The following DIAPH2 variants were observed in gnomAD, a reference collection of about 807,000 sequenced individuals.
The protein encoded by DIAPH2 is diaphanous related formin 2.
DIAPH2 carries 35 observed loss-of-function variants against 92.7 expected under a neutral mutation model. That is an observed-to-expected ratio of 0.38 (90% CI 0.29 to 0.50). DIAPH2 has a LOEUF of 0.50. Among genes scored for constraint, DIAPH2 ranks in the 20% least tolerant of loss-of-function variants. The pLI, the probability that DIAPH2 is intolerant of heterozygous loss-of-function variation, is 0.94. For synonymous variants in DIAPH2, 301 were observed against 280.4 expected (o/e 1.07, Z -0.73); for missense variants, 701 against 819.5 (o/e 0.86, Z 1.77).
chrX:97,286,604 G>A (rs745686054), intron 23 of DIAPH2, among the ~76,000 whole-genome samples: 124 of 111,072 alleles, frequency 1.1e-3, no homozygotes, highest in Non-Finnish European at 1.8e-3. Context: ...ATTTTAACAA[G>A]GATTCTCTGG....
intron 4 of DIAPH2, among the ~76,000 whole-genome samples, chrX:96,785,638 G>GT (rs1260536486): frequency 1.6e-3 from 170 of 104,475 alleles, no homozygotes; most frequent in African/African-American, 3.4e-3. Flanking sequence ...TGCCCTGCTA[G>GT]TTTTTTTTTT....
At chrX:97,112,964 G>A (rs1451860274) in intron 20 of DIAPH2, among the ~76,000 whole-genome samples, 1 of 107,205 alleles carries the variant, frequency 9.3e-6, no homozygotes, top group Non-Finnish European at 1.9e-5. Context: ...ATTTTTAGTA[G>A]AGACAGGGTT....
chrX:96,697,547 G>A (rs923565349), intron 1 of DIAPH2, among the ~76,000 whole-genome samples: 1 of 110,811 alleles, frequency 9.0e-6, no homozygotes, highest in Non-Finnish European at 1.9e-5. Flanking sequence ...CTGGGAGGCC[G>A]AGGCAGGAGA....
chrX:97,167,768 A>T (rs947324411), intron 22 of DIAPH2, among the ~76,000 whole-genome samples: 2 of 111,595 alleles, frequency 1.8e-5, no homozygotes, highest in Admixed American at 9.6e-5. Context: ...GTCCTGTCAA[A>T]CTTTTCCATT....
intron 17 of DIAPH2, among the ~76,000 whole-genome samples, chrX:97,038,702 A>G (rs1385124774): frequency 2.7e-5 from 3 of 109,464 alleles, no homozygotes; most frequent in Non-Finnish European, 5.7e-5. Context: ...TCATTTTCCT[A>G]ATGATTAGTG....
intron 1 of DIAPH2, among the ~76,000 whole-genome samples, chrX:96,717,503 C>T (rs1265493509): frequency 9.6e-6 from 1 of 104,126 alleles, no homozygotes; most frequent in Admixed American, 1.1e-4. Flanking sequence ...ACCCCTTTGT[C>T]ATTATGAAAT....
intron 25 of DIAPH2, among the ~76,000 whole-genome samples, chrX:97,420,525 G>A (rs1182457542): frequency 8.9e-6 from 1 of 111,860 alleles, no homozygotes; most frequent in Non-Finnish European, 1.9e-5. Flanking sequence ...GGGATTTGAT[G>A]ATTCACCTCA....
chrX:96,957,589 A>G (rs1182853744), intron 15 of DIAPH2, among the ~76,000 whole-genome samples: 7 of 111,537 alleles, frequency 6.3e-5, no homozygotes, highest in Non-Finnish European at 1.3e-4. Context: ...TTGTGTGTTA[A>G]CAGAAGTAGT....
chrX:96,729,336 G>A (rs1233226191), intron 1 of DIAPH2, among the ~76,000 whole-genome samples: 1 of 112,100 alleles, frequency 8.9e-6, no homozygotes, highest in African/African-American at 3.2e-5. Flanking sequence ...TACTCTAAAA[G>A]CTGGATTATT....
At chrX:97,550,853 G>A (rs1194752239) in intron 26 of DIAPH2, among the ~76,000 whole-genome samples, 3 of 111,487 alleles carry the variant, frequency 2.7e-5, no homozygotes, top group African/African-American at 9.8e-5. Flanking sequence ...TTACTGAGGA[G>A]CCAGGTGAAT....
intron 23 of DIAPH2, among the ~76,000 whole-genome samples, chrX:97,250,725 A>C (rs915392976): frequency 8.9e-6 from 1 of 111,857 alleles, no homozygotes; most frequent in African/African-American, 3.2e-5. Flanking sequence ...AGCTAGAGAC[A>C]GTGAAGATCA....
chrX:97,356,463 T>C (rs2069267974), intron 24 of DIAPH2, among the ~76,000 whole-genome samples: 1 of 111,894 alleles, frequency 8.9e-6, no homozygotes, highest in Non-Finnish European at 1.9e-5. Context: ...TTTTGATCTG[T>C]TGCAACTCTT....
At chrX:97,575,282 C>T (rs1351436202) in intron 26 of DIAPH2, among the ~76,000 whole-genome samples, 1 of 112,716 alleles carries the variant, frequency 8.9e-6, no homozygotes, top group Non-Finnish European at 1.9e-5. Context: ...GGCCTCTCTC[C>T]TAGCTCCTGG....
intron 25 of DIAPH2, among the ~76,000 whole-genome samples, chrX:97,394,983 C>G (rs1408450332): frequency 9.0e-6 from 1 of 111,635 alleles, no homozygotes; most frequent in African/African-American, 3.3e-5. Context: ...CCTCTCTGAT[C>G]CTCGAGGACA....
At chrX:97,423,438 T>C (rs1216356859) in intron 25 of DIAPH2, among the ~76,000 whole-genome samples, 1 of 111,915 alleles carries the variant, frequency 8.9e-6, no homozygotes, top group Non-Finnish European at 1.9e-5. Context: ...CTAGTGCTAA[T>C]TGTAATCTGT....
rs768986090 is a variant in DIAPH2, at chrX:96,962,368, C to T, written c.1936-2725C>T. Among the ~76,000 whole-genome samples the T allele has an allele frequency of 6.5e-4, 31 of 47,899 alleles. 1 individual carries two copies. Among genetic ancestry groups the T allele is most frequent in the Admixed American group, 7.7e-4 (3 of 3,871 alleles). 41.6% of individuals were successfully genotyped at this position (47,899 alleles called of 115,157 possible). The stretch of plus-strand genomic sequence containing the variant: ...ATATATATACACATATATATATACA[C>T]ATATATATATACACATATATATACA... On this transcript the variant is annotated intron_variant, in intron 16 of 26. Transcript: ENST00000324765.
intron 26 of DIAPH2, among the ~76,000 whole-genome samples, chrX:97,515,735 G>A (rs1370734551): frequency 9.0e-6 from 1 of 110,747 alleles, no homozygotes. Flanking sequence ...GGGTTTGGGG[G>A]TACCTCTGGA....
At chrX:97,252,809 G>C (rs1206025217) in intron 23 of DIAPH2, among the ~76,000 whole-genome samples, 1 of 110,842 alleles carries the variant, frequency 9.0e-6, no homozygotes, top group African/African-American at 3.3e-5. Context: ...TAGGCTGGAG[G>C]GGGGAAGTTC....
intron 17 of DIAPH2, among the ~76,000 whole-genome samples, chrX:97,057,085 G>T (rs1329862533): frequency 8.9e-6 from 1 of 112,017 alleles, no homozygotes; most frequent in Non-Finnish European, 1.9e-5. Flanking sequence ...ATTACTATTA[G>T]AAAGGAAATT....
Sources: gnomAD v4.1 joint callset for allele counts (sites outside exome capture counted in the v4.1 genomes callset) on GRCh38, gnomAD v4.1.1 for gene constraint, MANE v1.5 for transcripts, NCBI Gene and HGNC (gene_info 2026-07-23, HGNC 2026-07-21) for gene names.